The following DLG2 variants were observed in gnomAD, a reference collection of about 807,000 sequenced individuals.
DLG2 encodes the protein discs large MAGUK scaffold protein 2.
In DLG2, 45 loss-of-function variants were observed where a neutral mutation model predicts 132.5. That is an observed-to-expected ratio of 0.34 (90% CI 0.27 to 0.44). DLG2 has a LOEUF of 0.44. Among genes scored for constraint, DLG2 ranks in the 20% least tolerant of loss-of-function variants. The pLI is 1.00. For synonymous variants in DLG2, 424 were observed against 419.6 expected (o/e 1.01, Z -0.13); for missense variants, 1,045 against 1,196.9 (o/e 0.87, Z 1.87).
Position 84,149,255 on chromosome 11 carries a change from C to T in DLG2, c.624+14206G>A, listed in dbSNP as rs147495172. ...CGTTTGTCAATTTTTGTTTTTGTTGCGATTCCTTTTGAGGATTTTGCCATA... is the reference window on the plus strand; with the variant it reads ...CGTTTGTCAATTTTTGTTTTTGTTGTGATTCCTTTTGAGGATTTTGCCATA... On this transcript the variant is annotated intron_variant, in intron 9 of 27. Transcript: ENST00000376104. Among the ~76,000 whole-genome samples the T allele has an allele frequency of 2.4e-4, 37 of 152,134 alleles. 1 individual carries two copies. In the East Asian group the frequency reaches 6.4e-3, roughly 26 times the overall value.
chr11:83,933,347 A>T (rs1401207298), intron 14 of DLG2, among the ~76,000 whole-genome samples: 1 of 152,220 alleles, frequency 6.6e-6, no homozygotes, highest in Non-Finnish European at 1.5e-5. Flanking sequence ...ATGCCCACAG[A>T]GGGAGGGAAA....
At chr11:83,613,851 TA>T (rs2060441293) in intron 19 of DLG2, among the ~76,000 whole-genome samples, 2 of 152,202 alleles carry the variant, frequency 1.3e-5, no homozygotes, top group African/African-American at 4.8e-5. Flanking sequence ...AGCAAAGCTT[TA>T]AAAACACTAA....
At chr11:85,627,879 C>T (rs1478624030), upstream of DLG2, 2 of 152,422 alleles carry the variant, frequency 1.3e-5, no homozygotes, top group Admixed American at 6.5e-5. Flanking sequence ...GACATGGAGA[C>T]TGGAGGGTCG....
intron 6 of DLG2, among the ~76,000 whole-genome samples, chr11:84,590,114 G>A (rs895034696): frequency 6.6e-6 from 1 of 152,172 alleles, no homozygotes; most frequent in South Asian, 2.1e-4. Context: ...CCTGTTGGAA[G>A]GGCAATAGTA....
chr11:84,524,456 G>A (rs918007403), intron 7 of DLG2, among the ~76,000 whole-genome samples: 6 of 152,184 alleles, frequency 3.9e-5, no homozygotes, highest in Admixed American at 1.3e-4. Context: ...TTCAGAATGC[G>A]TCTGTCAAGG....
intron 3 of DLG2, among the ~76,000 whole-genome samples, chr11:85,388,590 A>AAC (rs796794257): frequency 5.3e-5 from 8 of 152,210 alleles, no homozygotes; most frequent in African/African-American, 1.7e-4. Context: ...TCATACAGAG[A>AAC]ACACTTCACT....
At chr11:83,869,839 G>C (rs1259804808) in intron 16 of DLG2, among the ~76,000 whole-genome samples, 1 of 152,080 alleles carries the variant, frequency 6.6e-6, no homozygotes, top group East Asian at 1.9e-4. Flanking sequence ...ATGTGAAAAT[G>C]CTACTAGAAT....
At chr11:84,158,305 C>T (rs552845533) in intron 9 of DLG2, among the ~76,000 whole-genome samples, 4 of 152,108 alleles carry the variant, frequency 2.6e-5, no homozygotes, top group Non-Finnish European at 2.9e-5. Flanking sequence ...CCTCGTGATC[C>T]GCCCAGCTTG....
chr11:85,582,915 TG>T (rs1190344868), intron 3 of DLG2, among the ~76,000 whole-genome samples: 5 of 148,782 alleles, frequency 3.4e-5, no homozygotes. Flanking sequence ...GTACATTAGA[TG>T]ATTCAATTTG....
chr11:83,941,401 T>A (rs1382625627), intron 14 of DLG2, among the ~76,000 whole-genome samples: 4 of 151,986 alleles, frequency 2.6e-5, no homozygotes, highest in Admixed American at 1.3e-4. Flanking sequence ...TTAATTAATT[T>A]TTTTTTTTGA....
chr11:84,053,299 T>C (rs768822167), intron 11 of DLG2, among the ~76,000 whole-genome samples: 6 of 152,002 alleles, frequency 3.9e-5, no homozygotes, highest in Admixed American at 3.3e-4. Context: ...CATCAGGTAC[T>C]AGGAAGAATA....
At chr11:84,362,062 A>T (rs2098652744) in intron 7 of DLG2, among the ~76,000 whole-genome samples, 1 of 151,988 alleles carries the variant, frequency 6.6e-6, no homozygotes, top group African/African-American at 2.4e-5. Context: ...ATTATATCAA[A>T]TGTAAGTAGT....
intron 6 of DLG2, among the ~76,000 whole-genome samples, chr11:84,853,763 T>C (rs1943716): frequency 0.7 from 105,729 of 151,828 alleles, 38,404 homozygotes; most frequent in Middle Eastern, 0.9. Context: ...TTAGCCCAAG[T>C]CTTTGTTCAG....
At chr11:85,586,001 G>A (rs958650251) in intron 3 of DLG2, among the ~76,000 whole-genome samples, 2 of 152,164 alleles carry the variant, frequency 1.3e-5, no homozygotes, top group Non-Finnish European at 2.9e-5. Context: ...ACAGGCGTGA[G>A]CCTCCACACC....
chr11:83,591,441 AC>A (rs1268008458), intron 19 of DLG2, among the ~76,000 whole-genome samples: 3 of 83,830 alleles, frequency 3.6e-5, no homozygotes. Context: ...AAATTCAACA[AC>A]CCTTCATGCT....
chr11:84,326,651 C>T (rs887655378), intron 7 of DLG2, among the ~76,000 whole-genome samples: 2 of 152,144 alleles, frequency 1.3e-5, no homozygotes, highest in Admixed American at 1.3e-4. Context: ...TGTCATCTAT[C>T]CTGGAAAATG....
chr11:85,366,093 G>A (rs2084531151), intron 3 of DLG2, among the ~76,000 whole-genome samples: 1 of 152,098 alleles, frequency 6.6e-6, no homozygotes, highest in Non-Finnish European at 1.5e-5. Context: ...AAATAAGGAT[G>A]TTGGAGTTGA....
chr11:85,238,604 A>G (rs1014475507), intron 4 of DLG2, among the ~76,000 whole-genome samples: 2 of 152,098 alleles, frequency 1.3e-5, no homozygotes, highest in Non-Finnish European at 2.9e-5. Flanking sequence ...CTTTGCTGGC[A>G]TTAAATTCTC....
At chr11:84,014,377 A>T (rs1018814750) in intron 11 of DLG2, among the ~76,000 whole-genome samples, 1 of 152,176 alleles carries the variant, frequency 6.6e-6, no homozygotes, top group Non-Finnish European at 1.5e-5. Flanking sequence ...GTCTTTTATT[A>T]TCAGTCAATT....
Sources: gnomAD v4.1 joint callset for allele counts (sites outside exome capture counted in the v4.1 genomes callset) on GRCh38, gnomAD v4.1.1 for gene constraint, MANE v1.5 for transcripts, NCBI Gene and HGNC (gene_info 2026-07-23, HGNC 2026-07-21) for gene names.